Variants in SYNE1 observed in about 807,000 individuals in gnomAD.
SYNE1 encodes the protein spectrin repeat containing nuclear envelope protein 1.
Under a neutral mutation model 1,111.0 loss-of-function variants are expected in SYNE1, and 616 were observed. The ratio of observed to expected loss-of-function variants is 0.55; its 90% CI spans 0.52 to 0.59. The LOEUF is 0.59. Among genes scored for constraint, SYNE1 ranks in the 20% least tolerant of loss-of-function variants. The pLI is 0.00. For synonymous variants in SYNE1, 3,855 were observed against 3,825.8 expected, an observed-to-expected ratio of 1.01 and a Z score of -0.28; for missense variants, 10,006 against 10,417.0, an observed-to-expected ratio of 0.96 and a Z score of 1.72.
chr6:152,441,574 G>T (rs550067333), intron 31 of SYNE1, among the ~76,000 whole-genome samples: 5 of 152,168 alleles, frequency 3.3e-5, no homozygotes, highest in Non-Finnish European at 7.3e-5. Context: ...AATAAAAAAG[G>T]CCTCTCAATC....
At chr6:152,304,710 C>G (rs1387793917) in intron 91 of SYNE1, among the ~76,000 whole-genome samples, 1 of 152,114 alleles carries the variant, frequency 6.6e-6, no homozygotes, top group Non-Finnish European at 1.5e-5. Context: ...CTCCCTGCTA[C>G]AGTATCCTGC....
At chr6:152,495,790 G>T (rs922934830) in intron 11 of SYNE1, among the ~76,000 whole-genome samples, 1 of 152,144 alleles carries the variant, frequency 6.6e-6, no homozygotes, top group East Asian at 1.9e-4. Flanking sequence ...CAGCAGCAGG[G>T]GCCACGTGCA....
intron 91 of SYNE1, among the ~76,000 whole-genome samples, chr6:152,304,828 G>A (rs11752464): frequency 0.16 from 23,691 of 152,062 alleles, 2,331 homozygotes; most frequent in South Asian, 0.27. Context: ...TGCAACTCTG[G>A]TCACCACTTC....
intron 105 of SYNE1, among the ~76,000 whole-genome samples, chr6:152,246,537 C>G (rs2087208014): frequency 6.6e-6 from 1 of 152,016 alleles, no homozygotes. Flanking sequence ...AAAAGCGGAG[C>G]AAAAAGACAA....
At chr6:152,440,651 T>C (rs214999) in intron 32 of SYNE1, among the ~76,000 whole-genome samples, 31,427 of 143,228 alleles carry the variant, frequency 0.22, 3,502 homozygotes, top group East Asian at 0.39. Flanking sequence ...CACTGCAACC[T>C]CTGCCTCCCG....
Position 152,236,231 on chromosome 6 carries a change from T to C in SYNE1, c.20272A>G (p.Ile6758Val). ...QVLDDGKRLL[I>V]SISCSDLESQ... ...TCTAGATCTGAGCAGCTGATGGATATCAGAAGTCGTTTCCCATCATCTAAT... is the reference window on the plus strand; with the variant it reads ...TCTAGATCTGAGCAGCTGATGGATACCAGAAGTCGTTTCCCATCATCTAAT... The change falls in exon 110 of 146, where the codon ATA becomes GTA. Residue 6758 changes from isoleucine (I) to valine (V), a missense_variant. Physicochemically the swap from Ile to Val is conservative, Grantham distance 29. Transcript: ENST00000367255. 6.2e-7 allele frequency: 1 copy of C among 1,614,166 alleles called. No homozygotes were observed. The highest frequency in any genetic ancestry group is 8.5e-7 in the Non-Finnish European group (1 of 1,180,018).
At chr6:152,283,345 G>T (rs191774204) in intron 96 of SYNE1, among the ~76,000 whole-genome samples, 1 of 152,126 alleles carries the variant, frequency 6.6e-6, no homozygotes, top group Non-Finnish European at 1.5e-5. Flanking sequence ...AAATGCTGTC[G>T]TGTAAACATA....
chr6:152,389,476 G>A (rs988366166), intron 53 of SYNE1, among the ~76,000 whole-genome samples: 10 of 152,134 alleles, frequency 6.6e-5, no homozygotes, highest in African/African-American at 1.9e-4. Context: ...TGATCTAACA[G>A]GATATATAAC....
intron 38 of SYNE1, among the ~76,000 whole-genome samples, chr6:152,426,599 T>A (rs2098360069): frequency 6.6e-6 from 1 of 152,244 alleles, no homozygotes; most frequent in African/African-American, 2.4e-5. Context: ...TGAGTCAGTG[T>A]CTTCATTTAT....
chr6:152,182,508 T>G (rs59225654), intron 128 of SYNE1, among the ~76,000 whole-genome samples: 11,169 of 152,286 alleles, frequency 0.073, 536 homozygotes, highest in African/African-American at 0.14. Flanking sequence ...GCTCAAACTG[T>G]TAACATTTTG....
chr6:152,475,576 G>A (rs1350673399), intron 14 of SYNE1, among the ~76,000 whole-genome samples: 1 of 152,156 alleles, frequency 6.6e-6, no homozygotes, highest in African/African-American at 2.4e-5. Context: ...ATTGCATAAA[G>A]ATTAAACTTT....
rs55633181 is a variant in SYNE1, at chr6:152,308,637, G to GAAA, written c.17203-8_17203-6dup. On this transcript the variant is annotated splice_region_variant and splice_polypyrimidine_tract_variant and intron_variant, in intron 90 of 145. Transcript: ENST00000367255. Reference sequence around the variant, plus strand: ...TTCATATTGTACCACAGCTTCCTTTGAAAAAAAAAAAAAACAGAAAGATAG... The same window carrying GAAA: ...TTCATATTGTACCACAGCTTCCTTTGAAAAAAAAAAAAAAAAACAGAAAGATAG... The GAAA allele has an allele frequency of 9.6e-6, 14 of 1,462,636 alleles. No homozygotes were observed. Among genetic ancestry groups the GAAA allele is most frequent in the African/African-American group, 1.5e-5 (1 of 65,008 alleles). The allele number at this position is 1,462,636 out of a possible 1,614,324, so 90.6% of individuals were successfully genotyped here.
In SYNE1 at chr6:152,247,748, TATAC is replaced by T. The variant is rs1454827736; in HGVS notation, c.19572+1409_19572+1412del. 2.6e-3 allele frequency among the ~76,000 whole-genome samples: 240 copies of T among 90,886 alleles called. 2 individuals carry two copies. In the South Asian group the frequency reaches 0.034, roughly 13 times the overall value. 59.6% of individuals were successfully genotyped at this position (90,886 alleles called of 152,430 possible). A position where few individuals can be genotyped will look rare whatever the true frequency, so the allele number is the denominator to read the frequency against. Reference sequence around the variant, plus strand: ...TTTATTATATATATATATATATATATATACACACACACACACACACACACACACA... The same window carrying T: ...TTTATTATATATATATATATATATATACACACACACACACACACACACACA... On this transcript the variant is annotated intron_variant, in intron 105 of 145. Coordinates refer to ENST00000367255, the MANE Select transcript of SYNE1 (RefSeq NM_182961.4).
intron 131 of SYNE1, among the ~76,000 whole-genome samples, chr6:152,157,490 T>C (rs779792812): frequency 3.3e-5 from 5 of 152,150 alleles, no homozygotes; most frequent in Non-Finnish European, 2.9e-5. Context: ...GGAATAAGTC[T>C]TAATGTTCGA....
At chr6:152,176,936 T>C (rs1223698584) in intron 129 of SYNE1, among the ~76,000 whole-genome samples, 1 of 152,146 alleles carries the variant, frequency 6.6e-6, no homozygotes, top group Non-Finnish European at 1.5e-5. Flanking sequence ...GAATAAATTC[T>C]CAGACAAATA....
chr6:152,539,028 G>A (rs532864194), intron 4 of SYNE1, among the ~76,000 whole-genome samples: 40 of 152,246 alleles, frequency 2.6e-4, no homozygotes, highest in African/African-American at 8.7e-4. Flanking sequence ...TTGCTTCTGC[G>A]CTATCAAAAT....
intron 104 of SYNE1, among the ~76,000 whole-genome samples, chr6:152,250,276 A>T (rs1400637586): frequency 6.6e-6 from 1 of 152,056 alleles, no homozygotes; most frequent in African/African-American, 2.4e-5. Context: ...TTACCAAAAA[A>T]ATGTATTTTT....
intron 108 of SYNE1, among the ~76,000 whole-genome samples, chr6:152,237,394 C>T (rs772366872): frequency 6.0e-5 from 9 of 148,994 alleles, no homozygotes; most frequent in African/African-American, 1.5e-4. Flanking sequence ...ACTGTAGACT[C>T]GAACTCCTGG....
intron 30 of SYNE1, among the ~76,000 whole-genome samples, chr6:152,442,893 C>T (rs979154473): frequency 6.6e-6 from 1 of 152,148 alleles, no homozygotes; most frequent in Non-Finnish European, 1.5e-5. Flanking sequence ...CTGCAGTGAA[C>T]TATGATTGTG....
Sources: allele counts gnomAD v4.1 joint callset (sites outside exome capture counted in the v4.1 genomes callset), GRCh38; gene constraint gnomAD v4.1.1; transcripts MANE v1.5; gene names NCBI Gene and HGNC (gene_info 2026-07-23, HGNC 2026-07-21).